DENND5A: variants seen among roughly 807,000 people sequenced by gnomAD.
The protein encoded by DENND5A is DENN domain-containing protein 5A.
In DENND5A, 64 loss-of-function variants were observed where a neutral mutation model predicts 140.3. That is an observed-to-expected ratio of 0.46 (90% CI 0.37 to 0.56). DENND5A has a LOEUF of 0.56. DENND5A is among the 20% of genes least tolerant of loss of function. The pLI is 0.00. For missense variants in DENND5A, 1,292 were observed against 1,593.8 expected (o/e 0.81, Z 3.22); for synonymous variants, 605 against 607.7 (o/e 1.00, Z 0.07).
At chr11:9,147,397 T>C (rs1254577502) in intron 15 of DENND5A, among the ~76,000 whole-genome samples, 3 of 152,214 alleles carry the variant, frequency 2.0e-5, no homozygotes, top group Admixed American at 1.3e-4. Context: ...GATGTTACTA[T>C]AATATCAAGT....
rs756857795 is a variant in DENND5A at position 9,142,885 on chromosome 11, G to C, written c.3388-40C>G. The C allele has an allele frequency of 1.9e-6, 3 of 1,608,208 alleles. No individual in the cohort carries two copies. The South Asian group carries it at 3.3e-5, about 18-fold the overall frequency. On this transcript the variant is annotated intron_variant, in intron 20 of 22. Transcript: ENST00000328194. ...AGGGGAGGGTGCCAGGCTTGTCTCA[G>C]CCGAGCTGCCCTCCCACCATTGCAT...
At chr11:9,165,793 T>C in intron 11 of DENND5A, 43 bp downstream of exon 11, 1 of 1,610,150 alleles carries the variant, frequency 6.2e-7, no homozygotes, top group Non-Finnish European at 8.5e-7. Flanking sequence ...TTACCTTGGC[T>C]GCTAACAGAA....
rs539868553 is a variant in DENND5A, at chr11:9,263,196, C to T, written c.109+1765G>A. On this transcript the variant is annotated intron_variant, in intron 1 of 22. Transcript: ENST00000328194. Reference sequence around the variant, plus strand: ...CTTGTTAAAGCATGAATTTATCATGCTTTTTTCTTCTTTTTCTTTTTTCCC... The same window carrying T: ...CTTGTTAAAGCATGAATTTATCATGTTTTTTTCTTCTTTTTCTTTTTTCCC... Among the ~76,000 whole-genome samples the T allele has an allele frequency of 2.0e-5, 3 of 152,010 alleles. No individual in the cohort carries two copies. The South Asian group carries it at 6.2e-4, about 32-fold the overall frequency.
intron 1 of DENND5A, among the ~76,000 whole-genome samples, chr11:9,263,628 G>A (rs950622350): frequency 1.1e-4 from 16 of 146,004 alleles, no homozygotes; most frequent in African/African-American, 4.0e-4. Flanking sequence ...GGATCATGAG[G>A]TCAGGAGATC....
chr11:9,166,524 T>G (rs1375784457), intron 10 of DENND5A, among the ~76,000 whole-genome samples: 1 of 152,126 alleles, frequency 6.6e-6, no homozygotes, highest in Non-Finnish European at 1.5e-5. Context: ...ATGGTATAAT[T>G]ACCTTTGATT....
At chr11:9,260,554 C>G (rs1010339317) in intron 1 of DENND5A, among the ~76,000 whole-genome samples, 1 of 151,502 alleles carries the variant, frequency 6.6e-6, no homozygotes, top group Non-Finnish European at 1.5e-5. Flanking sequence ...CTGACAAGTT[C>G]AAAAAGCCAA....
intron 5 of DENND5A, among the ~76,000 whole-genome samples, chr11:9,181,792 A>G (rs1010537623): frequency 6.6e-6 from 1 of 152,150 alleles, no homozygotes; most frequent in East Asian, 1.9e-4. Context: ...CTCAGTGAAA[A>G]GAACCCTAGG....
At position 9,143,466 on chromosome 11, in the gene DENND5A, G is replaced by A; in HGVS notation, c.3324C>T (p.Ile1108=). ...TGACTGCCTCCCCGATGGACTCCTGGATCTGCCCAGTGTTCAGCTCTAATA... is the reference window on the plus strand; with the variant it reads ...TGACTGCCTCCCCGATGGACTCCTGAATCTGCCCAGTGTTCAGCTCTAATA... ...NNKPKLNTGQ[I]QESIGEAVNG... is the part of the protein sequence containing the mutation. The change falls in exon 20 of 23, where the codon ATC becomes ATT. Residue 1108 remains isoleucine, a synonymous_variant. Transcript: ENST00000328194. The A allele has an allele frequency of 6.2e-7, 1 of 1,614,112 alleles. No homozygotes were observed. The highest frequency in any genetic ancestry group is 8.5e-7 in the Non-Finnish European group (1 of 1,179,946).
intron 8 of DENND5A, 37 bp downstream of exon 8, chr11:9,178,095 C>T (rs746412648): frequency 7.2e-7 from 1 of 1,393,386 alleles, no homozygotes; most frequent in East Asian, 2.3e-5. Flanking sequence ...TGCCATAATC[C>T]AAGAGGCCTG....
chr11:9,188,793 GC>G (rs2136188974), intron 5 of DENND5A, among the ~76,000 whole-genome samples: 1 of 152,336 alleles, frequency 6.6e-6, no homozygotes, highest in African/African-American at 2.4e-5. Flanking sequence ...TCTCTTGGGT[GC>G]TGTTAAAGAC....
At chr11:9,205,980 A>G (rs893613228) in intron 3 of DENND5A, among the ~76,000 whole-genome samples, 3 of 152,178 alleles carry the variant, frequency 2.0e-5, no homozygotes, top group African/African-American at 7.2e-5. Flanking sequence ...TCAAACTCCA[A>G]CTCAACTACT....
intron 9 of DENND5A, chr11:9,170,195 T>C (rs553278081): frequency 1.2e-6 from 1 of 808,152 alleles, no homozygotes; most frequent in South Asian, 5.7e-5. Context: ...GACATATAGA[T>C]CTAAAACTAT....
At chr11:9,250,210 T>C (rs1031940431) in intron 1 of DENND5A, among the ~76,000 whole-genome samples, 1 of 151,918 alleles carries the variant, frequency 6.6e-6, no homozygotes, top group African/African-American at 2.4e-5. Context: ...ATGCAAATCT[T>C]TTTTTTCCTT....
At chr11:9,194,176 A>C (rs538897268) in intron 4 of DENND5A, among the ~76,000 whole-genome samples, 1 of 152,346 alleles carries the variant, frequency 6.6e-6, no homozygotes, top group East Asian at 1.9e-4. Context: ...AGCATGCAGA[A>C]GCTGGTTTTC....
intron 17 of DENND5A, 62 bp downstream of exon 17, chr11:9,145,595 CCCTGCAGAAAACT>C: frequency 6.6e-7 from 1 of 1,519,714 alleles, no homozygotes. Context: ...CTCTGAAAAA[CCCTGCAGAAAACT>C]CCCCAAAGCG....
intron 11 of DENND5A, among the ~76,000 whole-genome samples, chr11:9,161,593 G>A (rs1847986290): frequency 6.6e-6 from 1 of 152,190 alleles, no homozygotes; most frequent in Non-Finnish European, 1.5e-5. Flanking sequence ...GACAAAAATT[G>A]AGGAGGTAAT....
At chr11:9,141,305 C>T (rs923417339) in intron 22 of DENND5A, among the ~76,000 whole-genome samples, 45 of 152,170 alleles carry the variant, frequency 3.0e-4, no homozygotes, top group African/African-American at 1.1e-3. Context: ...GGCCCCTCTG[C>T]CCCGAGTTAC....
intron 19 of DENND5A, 121 bp downstream of exon 19, chr11:9,143,976 A>C (rs1847333726): frequency 8.3e-7 from 1 of 1,203,840 alleles, no homozygotes; most frequent in African/African-American, 1.5e-5. Context: ...CTTTGTTAGC[A>C]GAAGTGTTTC....
chr11:9,199,994 G>A (rs1201092000), intron 4 of DENND5A, among the ~76,000 whole-genome samples: 2 of 152,212 alleles, frequency 1.3e-5, no homozygotes, highest in East Asian at 3.8e-4. Flanking sequence ...TGTCCATGCT[G>A]AGCCTGACTT....
Sources: gnomAD v4.1 joint callset for allele counts (sites outside exome capture counted in the v4.1 genomes callset) on GRCh38, gnomAD v4.1.1 for gene constraint, MANE v1.5 for transcripts, NCBI Gene and HGNC (gene_info 2026-07-23, HGNC 2026-07-21) for gene names.